ARHGAP23: variants seen among roughly 807,000 people sequenced by gnomAD.
ARHGAP23 encodes the protein rho GTPase-activating protein 23.
ARHGAP23 carries 34 observed loss-of-function variants against 136.3 expected under a neutral mutation model. The observed-to-expected ratio is 0.25, with a 90% CI of 0.19 to 0.33. The LOEUF (loss-of-function observed/expected upper bound fraction) is 0.33. ARHGAP23 is among the 10% of genes least tolerant of loss of function. The probability of loss-of-function intolerance (pLI) is 1.00; values close to 1 mark genes in which losing one functional copy is unlikely to be tolerated. For synonymous variants in ARHGAP23, 832 were observed against 920.5 expected, an observed-to-expected ratio of 0.90 and a Z score of 1.74; for missense variants, 1,808 against 2,139.0, an observed-to-expected ratio of 0.85 and a Z score of 3.05.
chr17:38,463,456 G>A, intron 6 of ARHGAP23, 74 bp downstream of exon 6: 9 of 1,521,144 alleles, frequency 5.9e-6, no homozygotes, highest in Non-Finnish European at 8.0e-6. Context: ...GGGAGGCAGA[G>A]AAGGAAGTGT....
chr17:38,510,175 G>A lies in ARHGAP23; in HGVS notation c.3679G>A (p.Gly1227Arg). 1 of 1,312,062 alleles carries A rather than the reference G, an allele frequency of 7.6e-7. No individual in the cohort carries two copies. The highest frequency in any genetic ancestry group is 9.6e-7 in the Non-Finnish European group (1 of 1,038,412). The allele number at this position is 1,312,062 out of a possible 1,614,324, so 81.3% of individuals were successfully genotyped here. A position where few individuals can be genotyped will look rare whatever the true frequency, so the allele number is the denominator to read the frequency against. The change falls in exon 24 of 24, where the codon GGA (glycine) becomes AGA (arginine). Residue 1227 changes from glycine (G) to arginine (R), a missense_variant. Physicochemically the swap from Gly to Arg is moderately radical, Grantham distance 125 (BLOSUM62 -2). Coordinates refer to ENST00000622683, the MANE Select transcript of ARHGAP23 (RefSeq NM_001199417.2). This position sits in a 1 kb window ranked among gnomAD's most constrained non-coding sequence, Gnocchi z 4.6. ...TGGCGCCGTCGCCCCCGAGGCCCCCGGACGCCTCAGTCCCCCGGCGGCGCC... is the reference window on the plus strand; with the variant it reads ...TGGCGCCGTCGCCCCCGAGGCCCCCAGACGCCTCAGTCCCCCGGCGGCGCC... ...LPGAVAPEAP[G>R]RLSPPAAPEE...
At chr17:38,490,409 A>C in intron 18 of ARHGAP23, 53 bp from the exon 19 acceptor site, 1 of 1,368,582 alleles carries the variant, frequency 7.3e-7, no homozygotes, top group South Asian at 1.2e-5. Flanking sequence ...ATGACGGGGG[A>C]CAGGGGCAGG....
At chr17:38,476,006 G>A (rs2039884694) in intron 11 of ARHGAP23, among the ~76,000 whole-genome samples, 1 of 152,214 alleles carries the variant, frequency 6.6e-6, no homozygotes, top group South Asian at 2.1e-4. Context: ...CCTGAGAAAG[G>A]AAAGGCTTGG....
chr17:38,467,045 C>A lies in ARHGAP23; in HGVS notation c.1362C>A (p.Ser454=). The change falls in exon 7 of 24, where the codon TCC becomes TCA. Residue 454 remains serine, a synonymous_variant. Coordinates refer to ENST00000622683, the MANE Select transcript of ARHGAP23 (RefSeq NM_001199417.2). The part of the protein sequence containing the change: ...GGLPTFNLAQ[S]PASFPPEASE... Reference sequence around the variant, plus strand: ...TGCCTACCTTCAACCTGGCCCAGTCCCCTGCGTCATTCCCACCAGAGGCCT... The same window carrying A: ...TGCCTACCTTCAACCTGGCCCAGTCACCTGCGTCATTCCCACCAGAGGCCT... 6.4e-7 allele frequency: 1 copy of A among 1,550,986 alleles called. No individual in the cohort carries two copies. Among genetic ancestry groups the A allele is most frequent in the South Asian group, 1.2e-5 (1 of 84,070 alleles).
chr17:38,429,200 G>T (rs899241597), intron 1 of ARHGAP23, among the ~76,000 whole-genome samples: 10 of 152,228 alleles, frequency 6.6e-5, no homozygotes, highest in Non-Finnish European at 1.0e-4. Context: ...CTGTGGGTGG[G>T]TCAGAGCGCG....
At position 38,479,814 on chromosome 17, in the gene ARHGAP23, A is replaced by G; in HGVS notation, c.2560A>G (p.Lys854Glu). The G allele has an allele frequency of 1.3e-6, 2 of 1,531,758 alleles. No individual in the cohort carries two copies. Among genetic ancestry groups the G allele is most frequent in the Non-Finnish European group, 1.8e-6 (2 of 1,137,172 alleles). 94.9% of individuals were successfully genotyped at this position (1,531,758 alleles called of 1,614,324 possible). The part of the protein sequence containing the change: ...PKGSRGLGGL[K>E]SEFLKQSAAR... ...AGGCTCTCGCGGCCTGGGGGGCCTC[A>G]AGTCTGAGTTCCTCAAGCAGAGTGC... is the stretch of plus-strand genomic sequence containing the variant. Residue 854 changes from lysine (K) to glutamate (E), a missense_variant, in exon 14 of 24, where the codon AAG (lysine) becomes GAG (glutamate). Physicochemically the swap from Lys to Glu is moderately conservative, Grantham distance 56 (BLOSUM62 1). Transcript: ENST00000622683.
chr17:38,484,337 A>AAGGGAGGGGCCGTCTC (rs1418360932), intron 16 of ARHGAP23, among the ~76,000 whole-genome samples: 2 of 152,030 alleles, frequency 1.3e-5, no homozygotes, highest in Admixed American at 1.3e-4. Context: ...GGAGAGGCGG[A>AAGGGAGGGGCCGTCTC]AGGGAGGGGC....
At chr17:38,507,560 AATC>A (rs2040662088) in intron 23 of ARHGAP23, among the ~76,000 whole-genome samples, 1 of 152,146 alleles carries the variant, frequency 6.6e-6, no homozygotes, top group Non-Finnish European at 1.5e-5. Context: ...TTGGAAGAGA[AATC>A]AGTCTGACCT....
At chr17:38,501,518 G>T (rs187138125) in intron 23 of ARHGAP23, among the ~76,000 whole-genome samples, 201 of 151,224 alleles carry the variant, frequency 1.3e-3, no homozygotes, top group Admixed American at 3.6e-3. Flanking sequence ...AGCCAGGATG[G>T]TCTTGATCTC....
intron 11 of ARHGAP23, among the ~76,000 whole-genome samples, chr17:38,472,386 A>G (rs1175831754): frequency 1.3e-5 from 2 of 151,134 alleles, no homozygotes; most frequent in Non-Finnish European, 2.9e-5. Flanking sequence ...CAGGCAAGCC[A>G]GCAAAGGGCT....
chr17:38,498,850 C>G, intron 22 of ARHGAP23: 2 of 695,400 alleles, frequency 2.9e-6, no homozygotes, highest in South Asian at 3.0e-5. Flanking sequence ...TCCTTTTCTC[C>G]TTGCACCCCC....
intron 23 of ARHGAP23, among the ~76,000 whole-genome samples, chr17:38,506,295 G>T (rs1300684433): frequency 6.6e-6 from 1 of 152,198 alleles, no homozygotes; most frequent in African/African-American, 2.4e-5. Flanking sequence ...GAGGCCAGAA[G>T]AGCTTCTGTA....
chr17:38,469,814 C>T (rs2039703084), intron 9 of ARHGAP23, 33 bp from the exon 10 acceptor site: 8 of 1,550,800 alleles, frequency 5.2e-6, no homozygotes, highest in Non-Finnish European at 6.1e-6. Flanking sequence ...GCTTTGCTGC[C>T]CACATCCCTC....
At position 38,466,297 on chromosome 17, in the gene ARHGAP23, C is replaced by T; in HGVS notation, c.614C>T (p.Ala205Val). ...YAPPARASTRATMVPEPTSAL... is the reference protein window; with the variant it reads ...YAPPARASTRVTMVPEPTSAL... The stretch of plus-strand genomic sequence containing the variant: ...CCTCCTGCCCGGGCCTCCACCAGGG[C>T]CACTATGGTGCCTGAGCCCACCTCA... Residue 205 changes from alanine (A) to valine (V), a missense_variant, in exon 7 of 24, where the codon GCC becomes GTC. By Grantham distance (64) the Ala-to-Val change is moderately conservative. Around this residue, in one of 7 missense-constraint regions of ARHGAP23, gnomAD observed 859 missense variants for 936.4 expected, o/e 0.92. Coordinates refer to ENST00000622683, the MANE Select transcript of ARHGAP23 (RefSeq NM_001199417.2). 6.5e-7 allele frequency: 1 copy of T among 1,547,172 alleles called. No homozygotes were observed. Among genetic ancestry groups the T allele is most frequent in the Non-Finnish European group, 8.7e-7 (1 of 1,146,732 alleles).
upstream of ARHGAP23, among the ~76,000 whole-genome samples, chr17:38,428,149 G>A (rs2038596803): frequency 6.6e-6 from 1 of 152,050 alleles, no homozygotes; most frequent in Admixed American, 6.5e-5. Flanking sequence ...CTCTTTCCTG[G>A]GCCTGGATGG....
chr17:38,426,026 G>A (rs957395403), upstream of ARHGAP23, among the ~76,000 whole-genome samples: 9 of 152,020 alleles, frequency 5.9e-5, no homozygotes, highest in African/African-American at 1.9e-4. Context: ...ATCAGGCTCT[G>A]GAAAAAGTGA....
chr17:38,471,755 T>C, intron 10 of ARHGAP23, 108 bp from the exon 11 acceptor site: 1 of 1,298,282 alleles, frequency 7.7e-7, no homozygotes, highest in South Asian at 1.5e-5. Context: ...CATCGGGGTG[T>C]AGCACAGACA....
chr17:38,441,757 G>T (rs189823540), intron 1 of ARHGAP23, among the ~76,000 whole-genome samples: 10 of 152,284 alleles, frequency 6.6e-5, no homozygotes, highest in Non-Finnish European at 1.3e-4. Context: ...GGACGGGGAG[G>T]GGGCAGGCAG....
At chr17:38,497,562 G>A (rs890114230) in intron 20 of ARHGAP23, among the ~76,000 whole-genome samples, 6 of 152,220 alleles carry the variant, frequency 3.9e-5, no homozygotes, top group African/African-American at 1.2e-4. Context: ...CTCCCACACT[G>A]GGGTCCCACC....
Sources: allele counts gnomAD v4.1 joint callset (sites outside exome capture counted in the v4.1 genomes callset), GRCh38; gene constraint gnomAD v4.1.1; regional missense constraint gnomAD v4.1.1; non-coding constraint Gnocchi (gnomAD v3.1); transcripts MANE v1.5; gene names NCBI Gene and HGNC (gene_info 2026-07-23, HGNC 2026-07-21).